MRGPRX3: variants seen among roughly 807,000 people sequenced by gnomAD.
The protein encoded by MRGPRX3 is mas-related G protein-coupled receptor member X3.
In MRGPRX3, 14 loss-of-function variants were observed where a neutral mutation model predicts 16.5. That is an observed-to-expected ratio of 0.85 (90% CI 0.56 to 1.33). The LOEUF is 1.33. Ranked by LOEUF, MRGPRX3 falls within the 40% of genes most tolerant of loss-of-function variation. The pLI, the probability that MRGPRX3 is intolerant of heterozygous loss-of-function variation, is 0.00. For missense variants in MRGPRX3, 449 were observed against 413.0 expected, an observed-to-expected ratio of 1.09 and a Z score of -0.76; for synonymous variants, 199 against 180.1, an observed-to-expected ratio of 1.10 and a Z score of -0.84.
At chr11:18,127,765 T>C (rs1848916948), upstream of MRGPRX3, among the ~76,000 whole-genome samples, 1 of 152,254 alleles carries the variant, frequency 6.6e-6, no homozygotes, top group African/African-American at 2.4e-5. Context: ...GCTTCTTCTC[T>C]CAACTTGTCA....
chr11:18,125,494 C>T (rs1056344835), intron 1 of MRGPRX3, among the ~76,000 whole-genome samples: 3 of 152,018 alleles, frequency 2.0e-5, no homozygotes, highest in South Asian at 2.1e-4. Flanking sequence ...TGTAGTTGAG[C>T]GTTTTTGAGT....
intron 1 of MRGPRX3, among the ~76,000 whole-genome samples, chr11:18,133,468 T>C (rs2134084257): frequency 1.3e-5 from 2 of 152,344 alleles, no homozygotes; most frequent in Admixed American, 1.3e-4. Context: ...TTGTGGGAGA[T>C]GATTATTAGA....
chr11:18,122,024 AAAG>A (rs1403306106), intron 1 of MRGPRX3, among the ~76,000 whole-genome samples: 10 of 31,202 alleles, frequency 3.2e-4, no homozygotes, highest in Non-Finnish European at 1.4e-3. Flanking sequence ...AAAAAGAAAA[AAAG>A]AAAAAAAAAA....
chr11:18,137,912 C>T lies in MRGPRX3; in HGVS notation c.710C>T (p.Ala237Val), dbSNP rs767516131. Residue 237 changes from alanine (A) to valine (V), a missense_variant, in exon 2 of 2, where the codon GCC (alanine) becomes GTC (valine). Coordinates refer to ENST00000621697, the MANE Select transcript of MRGPRX3 (RefSeq NM_001370464.1). ...GGCCTGCCCTTTGGCATTCAGTGGGCCCTGTTTTCCAGGATCCACCTGGAT... is the reference window on the plus strand; with the variant it reads ...GGCCTGCCCTTTGGCATTCAGTGGGTCCTGTTTTCCAGGATCCACCTGGAT... ...LCGLPFGIQW[A>V]LFSRIHLDWK... 28 of 1,614,020 alleles carry T rather than the reference C, an allele frequency of 1.7e-5. No homozygotes were observed. In the Admixed American group the frequency reaches 4.5e-4, roughly 26 times the overall value.
chr11:18,131,213 G>A (rs897162114), upstream of MRGPRX3, among the ~76,000 whole-genome samples: 11 of 151,954 alleles, frequency 7.2e-5, no homozygotes, highest in East Asian at 3.8e-4. Flanking sequence ...AAGCTTTTGC[G>A]CAGCAAAAAC....
chr11:18,135,907 C>T lies in MRGPRX3; in HGVS notation c.-25-1271C>T, dbSNP rs1485484947. Among the ~76,000 whole-genome samples the T allele has an allele frequency of 2.0e-5, 3 of 152,150 alleles. No homozygotes were observed. In the East Asian group the frequency reaches 5.8e-4, roughly 29 times the overall value. On this transcript the variant is annotated intron_variant, in intron 1 of 1. Transcript: ENST00000621697. ...TACTCTAATTTCATTATCTGCAATA[C>T]AGGAATAATACTAATTTTTACCTCC...
intron 1 of MRGPRX3, among the ~76,000 whole-genome samples, chr11:18,127,558 C>T (rs573127978): frequency 5.5e-4 from 83 of 152,184 alleles, no homozygotes; most frequent in African/African-American, 1.6e-3. Flanking sequence ...TCCAGTTGAT[C>T]GAATCAGCTA....
At chr11:18,127,565 G>C (rs1407238228) in intron 1 of MRGPRX3, among the ~76,000 whole-genome samples, 1 of 152,208 alleles carries the variant, frequency 6.6e-6, no homozygotes, top group African/African-American at 2.4e-5. Flanking sequence ...GATCGAATCA[G>C]CTACTGAGGC....
chr11:18,128,784 CCTG>C (rs1271309373), upstream of MRGPRX3, among the ~76,000 whole-genome samples: 3 of 152,140 alleles, frequency 2.0e-5, no homozygotes, highest in Admixed American at 2.0e-4. Flanking sequence ...CACCCACTGT[CCTG>C]CACCCACTGT....
At chr11:18,135,387 A>G (rs1478401530) in intron 1 of MRGPRX3, among the ~76,000 whole-genome samples, 1 of 151,950 alleles carries the variant, frequency 6.6e-6, no homozygotes, top group African/African-American at 2.4e-5. Flanking sequence ...TTTTCCTCCC[A>G]TTTCCTTTTT....
intron 1 of MRGPRX3, among the ~76,000 whole-genome samples, chr11:18,125,970 GT>G (rs1848891077): frequency 1.3e-5 from 2 of 152,024 alleles, no homozygotes; most frequent in African/African-American, 4.8e-5. Context: ...TTTGATCTTT[GT>G]TGGTTTAAAG....
rs1449627579 is a variant in MRGPRX3, at chr11:18,137,190, G to A, written c.-13G>A. 3.2e-6 allele frequency: 5 copies of A among 1,570,692 alleles called. No homozygotes were observed. Among genetic ancestry groups the A allele is most frequent in the Admixed American group, 1.8e-5 (1 of 56,244 alleles). ...TTTCTGTTTCCAGGGTCATCAGACTGGGGTTTCTGAGCATGGATTCAACCA... is the reference window on the plus strand; with the variant it reads ...TTTCTGTTTCCAGGGTCATCAGACTAGGGTTTCTGAGCATGGATTCAACCA... On this transcript the variant is annotated 5_prime_UTR_variant, in exon 2 of 2. Coordinates refer to ENST00000621697, the MANE Select transcript of MRGPRX3 (RefSeq NM_001370464.1).
rs760632485 is a variant in MRGPRX3 at position 18,137,615 on chromosome 11, TGTCATCA to T, written c.419_425del (p.Ser140CysfsTer70). On this transcript the variant is annotated frameshift_variant, in exon 2 of 2. Coordinates refer to ENST00000621697, the MANE Select transcript of MRGPRX3 (RefSeq NM_001370464.1). LOFTEE classifies it high-confidence loss of function. ...TACCACTGCCGCCGCCCCAGATACC[TGTCATCA>T]GTCATGTGTGTCCTGCTCTGGGCCC... is the stretch of plus-strand genomic sequence containing the variant. The T allele has an allele frequency of 6.8e-5, 110 of 1,614,152 alleles. No individual in the cohort carries two copies. In the East Asian group the frequency reaches 1.6e-3, roughly 24 times the overall value.
chr11:18,133,934 T>C (rs1270406031), intron 1 of MRGPRX3, among the ~76,000 whole-genome samples: 1 of 152,170 alleles, frequency 6.6e-6, no homozygotes, highest in African/African-American at 2.4e-5. Context: ...ATGTGGTACA[T>C]AGAAGCCACT....
chr11:18,129,061 C>A (rs1380598111), upstream of MRGPRX3, among the ~76,000 whole-genome samples: 1 of 152,184 alleles, frequency 6.6e-6, no homozygotes, highest in Non-Finnish European at 1.5e-5. Flanking sequence ...GAGGAAAGTT[C>A]ATTGTATTAA....
Position 18,134,820 on chromosome 11 carries a change from C to T in MRGPRX3, c.-26+2081C>T, listed in dbSNP as rs112410547. 3.5e-3 allele frequency among the ~76,000 whole-genome samples: 533 copies of T among 152,322 alleles called. 2 individuals are homozygous for T. The highest frequency in any genetic ancestry group is 0.012 in the African/African-American group (509 of 41,568). ...CATGAGCCAGGACTTGCTTCTGTCA[C>T]TTTTGTGATTCTTCCACTTAACAGC... is the stretch of plus-strand genomic sequence containing the variant. On this transcript the variant is annotated intron_variant, in intron 1 of 1. Transcript: ENST00000621697.
chr11:18,126,869 G>A (rs555167970), intron 1 of MRGPRX3, among the ~76,000 whole-genome samples: 23 of 152,152 alleles, frequency 1.5e-4, no homozygotes, highest in African/African-American at 4.3e-4. Flanking sequence ...TATGTGCCAC[G>A]TTTTCTTAAT....
intron 1 of MRGPRX3, among the ~76,000 whole-genome samples, chr11:18,134,253 T>C (rs1848987687): frequency 6.6e-6 from 1 of 152,234 alleles, no homozygotes; most frequent in Non-Finnish European, 1.5e-5. Context: ...AGAAGAAATA[T>C]CTTAAACAAG....
chr11:18,132,713 C>A lies in MRGPRX3; in HGVS notation c.-52C>A, dbSNP rs1848973013. The A allele has an allele frequency of 6.6e-6, 1 of 152,256 alleles. No homozygotes were observed. The highest frequency in any genetic ancestry group is 1.5e-5 in the Non-Finnish European group (1 of 68,078). 9.4% of individuals were successfully genotyped at this position (152,256 alleles called of 1,614,324 possible). On this transcript the variant is annotated 5_prime_UTR_variant, in exon 1 of 2. Transcript: ENST00000621697. ...ACCTTTAGCACAAGGGAGGTCTTCA[C>A]CACTGGACAAAGAAGGAACGATAAG...
Sources: gnomAD v4.1 joint callset for allele counts (sites outside exome capture counted in the v4.1 genomes callset) on GRCh38, gnomAD v4.1.1 for gene constraint, MANE v1.5 for transcripts, NCBI Gene and HGNC (gene_info 2026-07-23, HGNC 2026-07-21) for gene names.